The following PLD5 variants were observed in gnomAD, a reference collection of about 807,000 sequenced individuals.
PLD5 encodes phospholipase D family member 5.
Under a neutral mutation model 61.1 loss-of-function variants are expected in PLD5, and 36 were observed. That is an observed-to-expected ratio of 0.59 (90% CI 0.45 to 0.78). PLD5 has a LOEUF of 0.78. Among genes scored for constraint, PLD5 ranks in the 30% least tolerant of loss-of-function variants. The probability of loss-of-function intolerance (pLI) is 0.00; values close to 1 mark genes in which losing one functional copy is unlikely to be tolerated. For missense variants in PLD5, 515 were observed against 644.4 expected, an observed-to-expected ratio of 0.80 and a Z score of 2.17; for synonymous variants, 243 against 242.8, an observed-to-expected ratio of 1.00 and a Z score of -0.01.
At chr1:242,348,008 A>T (rs187865029) in intron 2 of PLD5, 98 bp downstream of exon 2, 35 of 1,455,658 alleles carry the variant, frequency 2.4e-5, no homozygotes, top group Non-Finnish European at 3.1e-5. Flanking sequence ...AGCCTGGATG[A>T]CTACGTGTGT....
chr1:242,189,511 G>C (rs1233439191), intron 5 of PLD5, among the ~76,000 whole-genome samples: 1 of 150,234 alleles, frequency 6.7e-6, no homozygotes, highest in Non-Finnish European at 1.5e-5. Context: ...GTGTTCATCT[G>C]TCAGTCAGCA....
chr1:242,397,143 C>G (rs540038907), intron 1 of PLD5, among the ~76,000 whole-genome samples: 34 of 152,208 alleles, frequency 2.2e-4, no homozygotes, highest in Admixed American at 1.5e-3. Context: ...TTAAATACCA[C>G]TAAACCCTGA....
rs543187147 is a variant in PLD5 at position 242,340,375 on chromosome 1, T to C, written c.326+7731A>G. Among the ~76,000 whole-genome samples, 43 of 152,222 alleles carry C rather than the reference T, an allele frequency of 2.8e-4. 1 individual carries two copies. Among genetic ancestry groups the C allele is most frequent in the African/African-American group, 1.0e-3 (43 of 41,546 alleles). ...CAACACTGTAATTTAAAAACATAGT[T>C]GGGTTTGTCAATACAAAGCAAAATA... On this transcript the variant is annotated intron_variant, in intron 2 of 9. Coordinates refer to ENST00000536534, the MANE Select transcript of PLD5 (RefSeq NM_001372062.1).
chr1:242,358,137 A>AT (rs1240773776), intron 1 of PLD5, among the ~76,000 whole-genome samples: 2 of 151,958 alleles, frequency 1.3e-5, no homozygotes, highest in Non-Finnish European at 2.9e-5. Flanking sequence ...TTGTTCATGT[A>AT]ATGTTTTACA....
intron 1 of PLD5, among the ~76,000 whole-genome samples, chr1:242,493,607 G>A (rs1021454467): frequency 2.0e-5 from 3 of 152,104 alleles, no homozygotes; most frequent in South Asian, 2.1e-4. Flanking sequence ...CATGGCCACC[G>A]AGGATAGCTG....
chr1:242,155,991 C>G (rs1310099047), intron 5 of PLD5, among the ~76,000 whole-genome samples: 1 of 152,174 alleles, frequency 6.6e-6, no homozygotes, highest in Non-Finnish European at 1.5e-5. Flanking sequence ...GTCTAAGTCT[C>G]TTTGTAGGTT....
At chr1:242,175,365 T>C (rs891663573) in intron 5 of PLD5, among the ~76,000 whole-genome samples, 4 of 152,132 alleles carry the variant, frequency 2.6e-5, no homozygotes, top group Non-Finnish European at 4.4e-5. Context: ...ATTATCTCAA[T>C]AGATGCAGAA....
chr1:242,101,037 T>A (rs55693430), intron 8 of PLD5, among the ~76,000 whole-genome samples: 2 of 152,248 alleles, frequency 1.3e-5, no homozygotes, highest in Non-Finnish European at 2.9e-5. Context: ...AAATTCGTTT[T>A]CTTTTTTCAG....
At chr1:242,393,587 C>T (rs61848725) in intron 1 of PLD5, among the ~76,000 whole-genome samples, 16,559 of 55,294 alleles carry the variant, frequency 0.3, 5,083 homozygotes, top group Admixed American at 0.42. Context: ...TATGAGTATA[C>T]ATATGTGTAT....
intron 3 of PLD5, among the ~76,000 whole-genome samples, chr1:242,277,753 C>T (rs1161705109): frequency 1.3e-5 from 2 of 151,322 alleles, no homozygotes; most frequent in African/African-American, 4.8e-5. Flanking sequence ...GAGGCCGACG[C>T]GGAAGGATCA....
chr1:242,174,133 T>G (rs898170737), intron 5 of PLD5, among the ~76,000 whole-genome samples: 2 of 151,960 alleles, frequency 1.3e-5, no homozygotes, highest in Admixed American at 6.6e-5. Context: ...GGGAGAAAAT[T>G]TTTGCAATCT....
Position 242,087,580 on chromosome 1 carries a change from C to T in PLD5, c.*2274G>A, listed in dbSNP as rs1467074514. The T allele has an allele frequency of 1.3e-5, 2 of 151,858 alleles. No homozygotes were observed. The highest frequency in any genetic ancestry group is 6.6e-5 in the Admixed American group (1 of 15,248). The allele number at this position is 151,858 out of a possible 1,614,324, so 9.4% of individuals were successfully genotyped here. A position where few individuals can be genotyped will look rare whatever the true frequency, so the allele number is the denominator to read the frequency against. On this transcript the variant is annotated 3_prime_UTR_variant, in exon 10 of 10. Coordinates refer to ENST00000536534, the MANE Select transcript of PLD5 (RefSeq NM_001372062.1). ...GAGTGTGAACTTGGTAGGTTTGTCT[C>T]CACTCCTATTCTGATTCCTTCTTTC... is the stretch of plus-strand genomic sequence containing the variant.
At chr1:242,332,805 A>G (rs1260592405) in intron 2 of PLD5, among the ~76,000 whole-genome samples, 1 of 152,216 alleles carries the variant, frequency 6.6e-6, no homozygotes, top group Non-Finnish European at 1.5e-5. Context: ...CTAATTGTGT[A>G]AAATAAGACT....
intron 1 of PLD5, among the ~76,000 whole-genome samples, chr1:242,441,841 T>C (rs1029908541): frequency 6.6e-6 from 1 of 152,196 alleles, no homozygotes; most frequent in African/African-American, 2.4e-5. Flanking sequence ...CAGTTATATC[T>C]CAATGTGGAA....
At chr1:242,260,495 C>T (rs985542328) in intron 4 of PLD5, among the ~76,000 whole-genome samples, 5 of 152,030 alleles carry the variant, frequency 3.3e-5, no homozygotes, top group East Asian at 1.9e-4. Context: ...TGAAGTCTAC[C>T]GATTAAGATC....
chr1:242,301,922 G>A (rs536036287), intron 2 of PLD5, among the ~76,000 whole-genome samples: 1 of 151,870 alleles, frequency 6.6e-6, no homozygotes, highest in South Asian at 2.1e-4. Flanking sequence ...GGATTACTAG[G>A]GCCTGCCACC....
chr1:242,183,851 C>T (rs537321889), intron 5 of PLD5, among the ~76,000 whole-genome samples: 20 of 152,104 alleles, frequency 1.3e-4, no homozygotes, highest in African/African-American at 4.1e-4. Flanking sequence ...GCAGAGATCG[C>T]GCCACTGCAC....
At chr1:242,142,307 A>G (rs1664227323) in intron 5 of PLD5, among the ~76,000 whole-genome samples, 1 of 152,238 alleles carries the variant, frequency 6.6e-6, no homozygotes, top group African/African-American at 2.4e-5. Context: ...TAGGATGGTT[A>G]AGAGGTGACT....
intron 3 of PLD5, among the ~76,000 whole-genome samples, chr1:242,271,745 T>C (rs1272726582): frequency 6.6e-6 from 1 of 151,972 alleles, no homozygotes; most frequent in Non-Finnish European, 1.5e-5. Flanking sequence ...AAACAGTAAA[T>C]AACACTGAAC....
Sources: allele counts gnomAD v4.1 joint callset (sites outside exome capture counted in the v4.1 genomes callset), GRCh38; gene constraint gnomAD v4.1.1; transcripts MANE v1.5; gene names NCBI Gene and HGNC (gene_info 2026-07-23, HGNC 2026-07-21).